Variants in TPTE2 observed in about 807,000 individuals in gnomAD.
TPTE2 encodes transmembrane phosphoinositide 3-phosphatase and tensin homolog 2.
A neutral mutation model predicts 78.6 loss-of-function variants in TPTE2; 53 were observed. That is an observed-to-expected ratio of 0.67 (90% CI 0.54 to 0.85). The LOEUF is 0.85. Ranked by LOEUF, TPTE2 falls within the 40% of genes least tolerant of loss-of-function variation. TPTE2 has a pLI of 0.00. For synonymous variants in TPTE2, 175 were observed against 206.2 expected (o/e 0.85, Z 1.30); for missense variants, 461 against 623.0 (o/e 0.74, Z 2.77).
chr13:19,439,126 A>G lies in TPTE2; in HGVS notation c.974-973T>C, dbSNP rs571404074. Among the ~76,000 whole-genome samples, 261 of 152,234 alleles carry G rather than the reference A, an allele frequency of 1.7e-3. 6 individuals carry two copies. The highest frequency in any genetic ancestry group is 3.4e-3 in the Middle Eastern group (1 of 294). ...TGGCTCCACCCATCTTGTGCCCCCA[A>G]TCCCCCTACCCCTAGGGCTGAGGGA... is the stretch of plus-strand genomic sequence containing the variant. On this transcript the variant is annotated intron_variant, in intron 13 of 19. Transcript: ENST00000400230.
At chr13:19,484,708 T>C (rs1284967491) in intron 3 of TPTE2, among the ~76,000 whole-genome samples, 1 of 152,192 alleles carries the variant, frequency 6.6e-6, no homozygotes. Context: ...TCTTGCTGAA[T>C]TGAACCCTTT....
chr13:19,561,519 T>C, the TPTE2 span, among the ~76,000 whole-genome samples: 3 of 151,770 alleles, frequency 2.0e-5, no homozygotes, highest in Non-Finnish European at 4.4e-5. Context: ...AGGAAGTAAG[T>C]GGGGAGAGCC....
exon 6 of TPTE2, chr13:19,474,042 G>A: frequency 1.9e-6 from 3 of 1,605,748 alleles, no homozygotes; most frequent in Non-Finnish European, 2.5e-6. Context: ...GGAGGAGAGT[G>A]ACATCCAGTA....
the TPTE2 span, among the ~76,000 whole-genome samples, chr13:19,543,210 C>T: frequency 1.3e-5 from 2 of 151,968 alleles, no homozygotes; most frequent in Non-Finnish European, 2.9e-5. Context: ...TGCCACCACA[C>T]CAGGCTAATT....
intron 10 of TPTE2, among the ~76,000 whole-genome samples, chr13:19,455,271 C>T (rs1459128289): frequency 6.6e-6 from 1 of 152,216 alleles, no homozygotes; most frequent in Non-Finnish European, 1.5e-5. Context: ...TGTGAACTAT[C>T]TGCATGTATA....
exon 2 of TPTE2, chr13:19,493,475 G>A: frequency 6.2e-7 from 1 of 1,613,790 alleles, no homozygotes; most frequent in Non-Finnish European, 8.5e-7. Context: ...CTCCTCGGTT[G>A]TTCCTTTAAA....
At chr13:19,474,369 G>GA (rs1879814824) in intron 5 of TPTE2, among the ~76,000 whole-genome samples, 1 of 152,136 alleles carries the variant, frequency 6.6e-6, no homozygotes, top group African/African-American at 2.4e-5. Flanking sequence ...CCTCAAGAGA[G>GA]AAAAGCAAAA....
At chr13:19,483,872 G>A (rs934215722) in intron 3 of TPTE2, among the ~76,000 whole-genome samples, 2 of 151,926 alleles carry the variant, frequency 1.3e-5, no homozygotes, top group Non-Finnish European at 2.9e-5. Context: ...TTGGTGTGCT[G>A]TGCCCATTAA....
At chr13:19,456,033 T>C (rs1878518652) in intron 10 of TPTE2, among the ~76,000 whole-genome samples, 1 of 152,182 alleles carries the variant, frequency 6.6e-6, no homozygotes, top group Non-Finnish European at 1.5e-5. Context: ...GTGAAAGTCC[T>C]AGATAATTCA....
upstream of TPTE2, among the ~76,000 whole-genome samples, chr13:19,537,759 T>C (rs925270219): frequency 3.3e-5 from 5 of 151,160 alleles, no homozygotes; most frequent in South Asian, 4.2e-4. Context: ...CCCACGACCA[T>C]GCCCAGCTAG....
At chr13:19,448,393 C>T (rs559603640) in intron 13 of TPTE2, among the ~76,000 whole-genome samples, 30 of 152,214 alleles carry the variant, frequency 2.0e-4, no homozygotes, top group Non-Finnish European at 2.6e-4. Context: ...AGAGAACCTA[C>T]AGAATGGGAG....
intron 13 of TPTE2, among the ~76,000 whole-genome samples, chr13:19,445,710 G>A (rs1877782218): frequency 6.6e-6 from 1 of 152,220 alleles, no homozygotes; most frequent in African/African-American, 2.4e-5. Context: ...GGGAGGCAGA[G>A]GCAGGCACAT....
chr13:19,529,217 T>C (rs1870713471), intron 1 of TPTE2, among the ~76,000 whole-genome samples: 2 of 152,086 alleles, frequency 1.3e-5, no homozygotes, highest in South Asian at 4.2e-4. Flanking sequence ...TGACAATGAG[T>C]TCTAGATGAC....
In TPTE2 at chr13:19,441,884, T is replaced by C. The variant is rs557822964; in HGVS notation, c.974-3731A>G. ...GAGAGAATTTAGGAAGATTTCTAGA[T>C]GCAGGCTCAACATAAACAAAAATTA... On this transcript the variant is annotated intron_variant, in intron 13 of 19. Coordinates refer to ENST00000400230, the Ensembl canonical transcript of TPTE2. Among the ~76,000 whole-genome samples the C allele has an allele frequency of 6.7e-3, 1,020 of 152,310 alleles. 6 individuals carry two copies. Among genetic ancestry groups the C allele is most frequent in the African/African-American group, 0.022 (903 of 41,574 alleles).
At chr13:19,524,802 A>G (rs114622538) in intron 1 of TPTE2, among the ~76,000 whole-genome samples, 3,853 of 152,250 alleles carry the variant, frequency 0.025, 127 homozygotes, top group African/African-American at 0.074. Context: ...AAAAGTGGGG[A>G]GCGAGTTTCA....
At chr13:19,560,881 C>G in the TPTE2 span, 1 of 1,571,696 alleles carries the variant, frequency 6.4e-7, no homozygotes. Flanking sequence ...CCTTGCGTCT[C>G]CGCTTGGTGA....
intron 3 of TPTE2, among the ~76,000 whole-genome samples, chr13:19,490,333 T>C (rs1880924164): frequency 6.6e-6 from 1 of 152,174 alleles, no homozygotes. Flanking sequence ...AATTTTCTGA[T>C]ACAAATTAGC....
At chr13:19,520,168 C>CA (rs1484937978) in intron 1 of TPTE2, among the ~76,000 whole-genome samples, 2 of 151,994 alleles carry the variant, frequency 1.3e-5, no homozygotes, top group Non-Finnish European at 2.9e-5. Context: ...CTATATACAA[C>CA]ATTATTTATC....
At chr13:19,430,651 C>T in intron 16 of TPTE2, 104 bp from the exon 20 acceptor site, 1 of 746,078 alleles carries the variant, frequency 1.3e-6, no homozygotes, top group South Asian at 1.8e-5. Flanking sequence ...ATTATCCAAG[C>T]TAACAACGTA....
Sources: gnomAD v4.1 joint callset for allele counts (sites outside exome capture counted in the v4.1 genomes callset) on GRCh38, gnomAD v4.1.1 for gene constraint, MANE v1.5 for transcripts, NCBI Gene and HGNC (gene_info 2026-07-23, HGNC 2026-07-21) for gene names.